The following C1orf21 variants were observed in gnomAD, a reference collection of about 807,000 sequenced individuals.
C1orf21 encodes the protein chromosome 1 open reading frame 21.
Under a neutral mutation model 18.7 loss-of-function variants are expected in C1orf21, and 3 were observed. The ratio of observed to expected loss-of-function variants is 0.16; its 90% CI spans 0.07 to 0.42. The LOEUF is 0.42. Among genes scored for constraint, C1orf21 ranks in the 10% least tolerant of loss-of-function variants. The pLI, the probability that C1orf21 is intolerant of heterozygous loss-of-function variation, is 0.99. For missense variants in C1orf21, 104 were observed against 143.6 expected (o/e 0.72, Z 1.41); for synonymous variants, 41 against 46.4 (o/e 0.88, Z 0.47).
chr1:184,561,780 G>T (rs1658969018), intron 3 of C1orf21, among the ~76,000 whole-genome samples: 1 of 151,980 alleles, frequency 6.6e-6, no homozygotes, highest in South Asian at 2.1e-4. Context: ...ACCATGCCTG[G>T]CTAATTTTTG....
intron 1 of C1orf21, among the ~76,000 whole-genome samples, chr1:184,451,480 T>A (rs1025588389): frequency 2.0e-5 from 3 of 148,514 alleles, no homozygotes; most frequent in Non-Finnish European, 3.0e-5. Context: ...TTTTTTTTTT[T>A]TTTTTGGAGA....
intron 1 of C1orf21, among the ~76,000 whole-genome samples, chr1:184,420,342 G>A (rs1656526240): frequency 6.6e-6 from 1 of 152,056 alleles, no homozygotes; most frequent in African/African-American, 2.4e-5. Flanking sequence ...TTTTTAGATG[G>A]ATTATTCACG....
At chr1:184,596,026 C>T (rs1331321659) in intron 4 of C1orf21, among the ~76,000 whole-genome samples, 1 of 152,150 alleles carries the variant, frequency 6.6e-6, no homozygotes, top group Non-Finnish European at 1.5e-5. Flanking sequence ...CCTTAGCCAC[C>T]ACTTTTGGTC....
At chr1:184,463,048 C>T (rs1657330957) in intron 1 of C1orf21, among the ~76,000 whole-genome samples, 1 of 145,558 alleles carries the variant, frequency 6.9e-6, no homozygotes, top group African/African-American at 2.6e-5. Flanking sequence ...TGCCATTGCA[C>T]TCTGGCCTGG....
At chr1:184,480,871 C>CTGCA (rs1268128979) in intron 2 of C1orf21, among the ~76,000 whole-genome samples, 1 of 152,140 alleles carries the variant, frequency 6.6e-6, no homozygotes, top group Non-Finnish European at 1.5e-5. Flanking sequence ...GTCGAGCTGG[C>CTGCA]TGCATCACAA....
At chr1:184,538,832 C>T (rs1456598431) in intron 3 of C1orf21, among the ~76,000 whole-genome samples, 1 of 152,148 alleles carries the variant, frequency 6.6e-6, no homozygotes, top group African/African-American at 2.4e-5. Flanking sequence ...TATGTCAGTA[C>T]CACACTGTTT....
At chr1:184,606,812 C>G (rs1446276852) in intron 5 of C1orf21, among the ~76,000 whole-genome samples, 1 of 152,096 alleles carries the variant, frequency 6.6e-6, no homozygotes, top group Non-Finnish European at 1.5e-5. Flanking sequence ...AGCCTCAAAT[C>G]TGGAAGAATA....
In C1orf21 at chr1:184,513,476, T is replaced by G. The variant is rs552350937; in HGVS notation, c.189+5794T>G. Among the ~76,000 whole-genome samples, 3 of 152,352 alleles carry G rather than the reference T, an allele frequency of 2.0e-5. No homozygotes were observed. The East Asian group carries it at 5.8e-4, about 29-fold the overall frequency. ...ATGGTTTACAGTAGAGGACACTGGT[T>G]GATAAGCGTATGAAAATACGTTCCG... On this transcript the variant is annotated intron_variant, in intron 3 of 5. Transcript: ENST00000235307.
At chr1:184,522,877 CAG>C (rs1174424565) in intron 3 of C1orf21, among the ~76,000 whole-genome samples, 6 of 152,088 alleles carry the variant, frequency 3.9e-5, no homozygotes, top group Non-Finnish European at 8.8e-5. Context: ...TTTGTAGAGA[CAG>C]GGTTTTGCCA....
intron 1 of C1orf21, among the ~76,000 whole-genome samples, chr1:184,447,152 G>A (rs1342922306): frequency 2.0e-5 from 3 of 152,016 alleles, no homozygotes; most frequent in Non-Finnish European, 4.4e-5. Context: ...TTCTTCTTCT[G>A]TGTGCTCTGC....
chr1:184,394,576 A>G (rs1434242877), intron 1 of C1orf21, among the ~76,000 whole-genome samples: 1 of 152,156 alleles, frequency 6.6e-6, no homozygotes, highest in African/African-American at 2.4e-5. Context: ...GAGCCCCTGT[A>G]TTAGCACTAT....
intron 3 of C1orf21, among the ~76,000 whole-genome samples, chr1:184,582,056 G>A (rs1231298987): frequency 2.0e-5 from 3 of 152,140 alleles, no homozygotes; most frequent in East Asian, 1.9e-4. Context: ...GTTGAATCTG[G>A]CAGCTTGGGC....
chr1:184,540,465 G>A (rs1266607871), intron 3 of C1orf21, among the ~76,000 whole-genome samples: 2 of 151,048 alleles, frequency 1.3e-5, no homozygotes, highest in Non-Finnish European at 2.9e-5. Flanking sequence ...ACTGGGTCTC[G>A]CTCCTTCCTC....
At chr1:184,618,100 G>A (rs1375231960) in intron 5 of C1orf21, among the ~76,000 whole-genome samples, 1 of 151,920 alleles carries the variant, frequency 6.6e-6, no homozygotes, top group African/African-American at 2.4e-5. Context: ...AGTAGAGATG[G>A]GGTTTCACCA....
chr1:184,444,288 G>T (rs1656994746), intron 1 of C1orf21, among the ~76,000 whole-genome samples: 1 of 152,168 alleles, frequency 6.6e-6, no homozygotes, highest in South Asian at 2.1e-4. Context: ...ATCTCATTTT[G>T]AATTGTACTC....
chr1:184,438,972 A>T (rs1656903499), intron 1 of C1orf21, among the ~76,000 whole-genome samples: 1 of 152,184 alleles, frequency 6.6e-6, no homozygotes, highest in Admixed American at 6.5e-5. Flanking sequence ...GCACTTTAGG[A>T]GGCCAAGGCA....
chr1:184,540,887 G>T (rs1658639716), intron 3 of C1orf21, among the ~76,000 whole-genome samples: 1 of 152,110 alleles, frequency 6.6e-6, no homozygotes, highest in South Asian at 2.1e-4. Flanking sequence ...TTCTCCAAAT[G>T]TTTATTATTT....
At chr1:184,614,617 A>C (rs1365238136) in intron 5 of C1orf21, among the ~76,000 whole-genome samples, 2 of 152,136 alleles carry the variant, frequency 1.3e-5, no homozygotes, top group African/African-American at 4.8e-5. Flanking sequence ...TGATTCAAGC[A>C]CATTACATTT....
chr1:184,450,629 A>C (rs977623430), intron 1 of C1orf21, among the ~76,000 whole-genome samples: 3 of 152,198 alleles, frequency 2.0e-5, no homozygotes, highest in Admixed American at 2.0e-4. Flanking sequence ...AAAGTTTATC[A>C]AAATAAACAT....
Sources: allele counts gnomAD v4.1 joint callset (sites outside exome capture counted in the v4.1 genomes callset), GRCh38; gene constraint gnomAD v4.1.1; transcripts MANE v1.5; gene names NCBI Gene and HGNC (gene_info 2026-07-23, HGNC 2026-07-21).